The following SORCS3 variants were observed in gnomAD, a reference collection of about 807,000 sequenced individuals.
SORCS3 encodes the protein sortilin related VPS10 domain containing receptor 3.
A neutral mutation model predicts 146.3 loss-of-function variants in SORCS3; 57 were observed. That is an observed-to-expected ratio of 0.39 (90% CI 0.31 to 0.49). The LOEUF (loss-of-function observed/expected upper bound fraction) is 0.49, where lower values mean the gene tolerates loss of function less well. Ranked by LOEUF, SORCS3 falls within the 20% of genes least tolerant of loss-of-function variation. The pLI is 0.92. For missense variants in SORCS3, 1,341 were observed against 1,575.5 expected, an observed-to-expected ratio of 0.85 and a Z score of 2.52; for synonymous variants, 653 against 618.5, an observed-to-expected ratio of 1.06 and a Z score of -0.83.
chr10:104,686,268 G>C (rs1026140788), intron 1 of SORCS3, among the ~76,000 whole-genome samples: 1 of 152,096 alleles, frequency 6.6e-6, no homozygotes, highest in African/African-American at 2.4e-5. Context: ...TATGTTCTCT[G>C]GTCTTGGTTT....
At chr10:104,960,025 G>T (rs1438016379) in intron 3 of SORCS3, among the ~76,000 whole-genome samples, 2 of 152,108 alleles carry the variant, frequency 1.3e-5, no homozygotes, top group Non-Finnish European at 2.9e-5. Flanking sequence ...GCAGCAAGTT[G>T]CCCTTGTTCT....
At chr10:105,037,976 C>T (rs981767996) in intron 4 of SORCS3, among the ~76,000 whole-genome samples, 6 of 152,286 alleles carry the variant, frequency 3.9e-5, no homozygotes, top group Middle Eastern at 3.4e-3. Context: ...GAACTAATAA[C>T]GGAATCAATA....
At chr10:104,958,798 C>T (rs1248278036) in intron 3 of SORCS3, among the ~76,000 whole-genome samples, 2 of 152,052 alleles carry the variant, frequency 1.3e-5, no homozygotes, top group African/African-American at 2.4e-5. Flanking sequence ...CTTCAGGGAA[C>T]TTACAATGAT....
At chr10:104,898,156 C>T (rs1009293013) in intron 2 of SORCS3, among the ~76,000 whole-genome samples, 2 of 152,200 alleles carry the variant, frequency 1.3e-5, no homozygotes, top group African/African-American at 4.8e-5. Context: ...TTGCCACTTA[C>T]CACATCAGGG....
Position 105,199,912 on chromosome 10 carries a change from T to A in SORCS3, c.2010-87T>A, listed in dbSNP as rs538470091. 5.3e-6 allele frequency: 5 copies of A among 948,226 alleles called. No homozygotes were observed. In the South Asian group the frequency reaches 7.3e-5, roughly 14 times the overall value. The allele number at this position is 948,226 out of a possible 1,614,324, so 58.7% of individuals were successfully genotyped here. A position where few individuals can be genotyped will look rare whatever the true frequency, so the allele number is the denominator to read the frequency against. ...ACTAAAGTCCAGGCTGCAGTGAATC[T>A]CTATCTCCTTCCTAGTTTCTGTGCA... On this transcript the variant is annotated intron_variant, in intron 14 of 26. Transcript: ENST00000369701.
At chr10:105,214,673 A>G in intron 18 of SORCS3, 60 bp downstream of exon 18, 1 of 1,453,508 alleles carries the variant, frequency 6.9e-7, no homozygotes, top group East Asian at 2.4e-5. Context: ...CCCAGAAGGG[A>G]AGAAGAAGAT....
At chr10:105,120,441 A>G (rs2055923939) in intron 7 of SORCS3, among the ~76,000 whole-genome samples, 1 of 152,170 alleles carries the variant, frequency 6.6e-6, no homozygotes, top group African/African-American at 2.4e-5. Flanking sequence ...GTTACTATGC[A>G]AATGCCAATG....
At chr10:104,752,958 C>G (rs541091288) in intron 1 of SORCS3, among the ~76,000 whole-genome samples, 4 of 149,452 alleles carry the variant, frequency 2.7e-5, no homozygotes, top group Admixed American at 2.7e-4. Flanking sequence ...GCCAACCAAC[C>G]AACCAACCAA....
chr10:104,742,050 G>A (rs2016854175), intron 1 of SORCS3, among the ~76,000 whole-genome samples: 1 of 151,566 alleles, frequency 6.6e-6, no homozygotes, highest in Admixed American at 6.6e-5. Flanking sequence ...TATGACTCTG[G>A]ATCTTATTTT....
At chr10:104,771,347 C>G (rs2017247292) in intron 1 of SORCS3, among the ~76,000 whole-genome samples, 1 of 152,180 alleles carries the variant, frequency 6.6e-6, no homozygotes, top group Non-Finnish European at 1.5e-5. Flanking sequence ...AGCTAATAAG[C>G]AGTGCTGATG....
Position 105,252,921 on chromosome 10 carries a change from A to G in SORCS3, c.3237+15A>G, listed in dbSNP as rs2056909683. 1 of 1,613,314 alleles carries G rather than the reference A, an allele frequency of 6.2e-7. No individual in the cohort carries two copies. The highest frequency in any genetic ancestry group is 8.5e-7 in the Non-Finnish European group (1 of 1,179,612). On this transcript the variant is annotated intron_variant, in intron 23 of 26. Coordinates refer to ENST00000369701, the MANE Select transcript of SORCS3 (RefSeq NM_014978.3). Reference sequence around the variant, plus strand: ...ACCTGGAACAAGTAAGTGAAAGTAAATCTGGCTGGGACCCTTGCCTGCACC... The same window carrying G: ...ACCTGGAACAAGTAAGTGAAAGTAAGTCTGGCTGGGACCCTTGCCTGCACC...
At chr10:104,705,226 T>G (rs982503224) in intron 1 of SORCS3, among the ~76,000 whole-genome samples, 2 of 3,994 alleles carry the variant, frequency 5.0e-4, no homozygotes, top group African/African-American at 5.8e-4. Flanking sequence ...CAGGCCTTCG[T>G]TTTTTTTTTT....
intron 17 of SORCS3, among the ~76,000 whole-genome samples, chr10:105,214,062 G>A (rs1261220258): frequency 6.6e-6 from 1 of 152,156 alleles, no homozygotes; most frequent in Non-Finnish European, 1.5e-5. Context: ...ATAGAAACAG[G>A]TCTGTCCCTC....
At chr10:105,077,658 G>A (rs2055597560) in intron 5 of SORCS3, among the ~76,000 whole-genome samples, 1 of 151,852 alleles carries the variant, frequency 6.6e-6, no homozygotes, top group Non-Finnish European at 1.5e-5. Flanking sequence ...ATCTCTTTTT[G>A]TCTCTTGTCT....
rs188871877 is a variant in SORCS3, at chr10:104,749,443, A to G, written c.628-93349A>G. ...TCTTCATATTTCATGCTTCTTAAAA[A>G]TTGGGGCATCTTTGGCTCAAGTGTT... is the stretch of plus-strand genomic sequence containing the variant. On this transcript the variant is annotated intron_variant, in intron 1 of 26. Transcript: ENST00000369701. Among the ~76,000 whole-genome samples, 258 of 152,280 alleles carry G rather than the reference A, an allele frequency of 1.7e-3. 4 individuals are homozygous for G. Among genetic ancestry groups the G allele is most frequent in the Non-Finnish European group, 3.7e-4 (25 of 68,034 alleles).
At chr10:105,080,334 C>A (rs972306617) in intron 5 of SORCS3, among the ~76,000 whole-genome samples, 5 of 152,126 alleles carry the variant, frequency 3.3e-5, no homozygotes, top group Admixed American at 2.6e-4. Context: ...TTTTCATATG[C>A]TTGCTGGCCA....
chr10:105,130,973 C>CAA (rs2056014534), intron 7 of SORCS3, among the ~76,000 whole-genome samples: 3 of 152,086 alleles, frequency 2.0e-5, no homozygotes, highest in Admixed American at 6.6e-5. Flanking sequence ...AAAATCAGCT[C>CAA]AAGATGGCAG....
chr10:105,007,767 C>T (rs1298107389), intron 4 of SORCS3, among the ~76,000 whole-genome samples: 1 of 152,062 alleles, frequency 6.6e-6, no homozygotes, highest in African/African-American at 2.4e-5. Flanking sequence ...TACTAGGTAC[C>T]AAGCAGGGTT....
intron 13 of SORCS3, among the ~76,000 whole-genome samples, chr10:105,176,459 G>A (rs894234805): frequency 2.6e-5 from 4 of 151,970 alleles, no homozygotes; most frequent in Non-Finnish European, 5.9e-5. Flanking sequence ...AGGCTGAGGC[G>A]GGATAATCAC....
Sources: gnomAD v4.1 joint callset for allele counts (sites outside exome capture counted in the v4.1 genomes callset) on GRCh38, gnomAD v4.1.1 for gene constraint, MANE v1.5 for transcripts, NCBI Gene and HGNC (gene_info 2026-07-23, HGNC 2026-07-21) for gene names.